TSPAN5: variants seen among roughly 807,000 people sequenced by gnomAD.
The protein encoded by TSPAN5 is tetraspanin 5.
Under a neutral mutation model 37.1 loss-of-function variants are expected in TSPAN5, and 10 were observed. The ratio of observed to expected loss-of-function variants is 0.27; its 90% CI spans 0.17 to 0.46. The LOEUF is 0.46. Ranked by LOEUF, TSPAN5 falls within the 20% of genes least tolerant of loss-of-function variation. The pLI is 1.00. For missense variants in TSPAN5, 195 were observed against 326.6 expected (o/e 0.60, Z 3.11); for synonymous variants, 110 against 118.9 (o/e 0.93, Z 0.48).
In TSPAN5 at chr4:98,625,500, T is replaced by C. The variant is rs116091994; in HGVS notation, c.81+32646A>G. 7.6e-3 allele frequency among the ~76,000 whole-genome samples: 1,151 copies of C among 152,322 alleles called. 24 individuals are homozygous for C. The highest frequency in any genetic ancestry group is 0.026 in the African/African-American group (1,093 of 41,578). On this transcript the variant is annotated intron_variant, in intron 1 of 7. Transcript: ENST00000305798. ...TTACCCATGCAAGATTGACGTTACT[T>C]CACCAAAGAGAAAAAACAAAAGTCT...
intron 1 of TSPAN5, among the ~76,000 whole-genome samples, chr4:98,546,256 C>T (rs1360611906): frequency 1.3e-5 from 2 of 152,168 alleles, no homozygotes; most frequent in Non-Finnish European, 2.9e-5. Flanking sequence ...CTACTCCCTC[C>T]AGAATATCAG....
intron 1 of TSPAN5, among the ~76,000 whole-genome samples, chr4:98,595,588 C>A (rs1348178260): frequency 3.0e-5 from 4 of 131,156 alleles, no homozygotes; most frequent in Non-Finnish European, 6.2e-5. Flanking sequence ...TATAAATTTC[C>A]CTCTACACAC....
chr4:98,587,603 G>T (rs146310875), intron 1 of TSPAN5, among the ~76,000 whole-genome samples: 2 of 151,984 alleles, frequency 1.3e-5, no homozygotes, highest in Non-Finnish European at 1.5e-5. Context: ...AAACACCAAG[G>T]TGCTGGCCGG....
intron 1 of TSPAN5, among the ~76,000 whole-genome samples, chr4:98,544,235 T>G (rs1328198955): frequency 6.6e-6 from 1 of 152,196 alleles, no homozygotes; most frequent in Non-Finnish European, 1.5e-5. Flanking sequence ...CCTAATTTAA[T>G]TAGCAAGCTA....
At chr4:98,632,085 A>G (rs1050466745) in intron 1 of TSPAN5, among the ~76,000 whole-genome samples, 2 of 152,128 alleles carry the variant, frequency 1.3e-5, no homozygotes, top group East Asian at 1.9e-4. Flanking sequence ...ACACAATGCA[A>G]TAGTGTCCTT....
intron 1 of TSPAN5, among the ~76,000 whole-genome samples, chr4:98,561,557 A>AC (rs1472516009): frequency 1.3e-5 from 2 of 152,240 alleles, no homozygotes; most frequent in African/African-American, 4.8e-5. Flanking sequence ...GGGGTTTATG[A>AC]CAGCGACACT....
At chr4:98,631,757 A>G (rs892650063) in intron 1 of TSPAN5, among the ~76,000 whole-genome samples, 1 of 152,200 alleles carries the variant, frequency 6.6e-6, no homozygotes, top group Non-Finnish European at 1.5e-5. Context: ...AGTGCCTTGC[A>G]AAGCATGTTC....
At chr4:98,621,788 A>ACCC (rs373904542) in intron 1 of TSPAN5, among the ~76,000 whole-genome samples, 1 of 130,436 alleles carries the variant, frequency 7.7e-6, no homozygotes, top group Non-Finnish European at 1.6e-5. Context: ...CCTCATTCCC[A>ACCC]CCCCCCCCGC....
intron 1 of TSPAN5, among the ~76,000 whole-genome samples, chr4:98,531,392 C>T (rs1196626460): frequency 6.6e-6 from 1 of 152,186 alleles, no homozygotes; most frequent in Non-Finnish European, 1.5e-5. Context: ...CTGCAAAGGA[C>T]ATGAACTCAT....
chr4:98,508,678 C>A (rs1753530920), intron 1 of TSPAN5, among the ~76,000 whole-genome samples: 1 of 152,004 alleles, frequency 6.6e-6, no homozygotes, highest in Non-Finnish European at 1.5e-5. Flanking sequence ...GCGCATGCCA[C>A]CATGCCTGGC....
At chr4:98,622,190 G>A (rs934626994) in intron 1 of TSPAN5, among the ~76,000 whole-genome samples, 6 of 152,110 alleles carry the variant, frequency 3.9e-5, no homozygotes, top group African/African-American at 9.6e-5. Context: ...AATGATTCTC[G>A]TGCCTCAGCC....
At chr4:98,522,056 A>T (rs1053597846) in intron 1 of TSPAN5, among the ~76,000 whole-genome samples, 1 of 152,238 alleles carries the variant, frequency 6.6e-6, no homozygotes, top group South Asian at 2.1e-4. Context: ...TTTAGTAAAC[A>T]TCTTGCCTTT....
intron 1 of TSPAN5, among the ~76,000 whole-genome samples, chr4:98,614,052 C>T (rs1756263063): frequency 6.6e-6 from 1 of 152,142 alleles, no homozygotes; most frequent in Non-Finnish European, 1.5e-5. Context: ...TTCCAAACAA[C>T]CACCAACTGC....
chr4:98,647,796 G>T (rs1245203170), intron 1 of TSPAN5, among the ~76,000 whole-genome samples: 2 of 151,532 alleles, frequency 1.3e-5, no homozygotes, highest in Non-Finnish European at 2.9e-5. Context: ...ATATCACAGT[G>T]CTAACCATTG....
chr4:98,566,735 C>T (rs1038017836), intron 1 of TSPAN5, among the ~76,000 whole-genome samples: 2 of 152,206 alleles, frequency 1.3e-5, no homozygotes, highest in Non-Finnish European at 2.9e-5. Context: ...GAGCTTTACT[C>T]TGAGACAGCA....
intron 1 of TSPAN5, among the ~76,000 whole-genome samples, chr4:98,537,898 GT>G (rs1203049596): frequency 4.6e-5 from 7 of 152,264 alleles, no homozygotes; most frequent in Non-Finnish European, 1.0e-4. Context: ...GCTGCTCATG[GT>G]AGGTGGTGGG....
At chr4:98,529,156 C>A (rs1754025402) in intron 1 of TSPAN5, among the ~76,000 whole-genome samples, 1 of 152,236 alleles carries the variant, frequency 6.6e-6, no homozygotes, top group South Asian at 2.1e-4. Flanking sequence ...AACACACACA[C>A]AGATGCAGGT....
At chr4:98,639,163 G>A (rs966991613) in intron 1 of TSPAN5, among the ~76,000 whole-genome samples, 1 of 152,142 alleles carries the variant, frequency 6.6e-6, no homozygotes, top group African/African-American at 2.4e-5. Context: ...AAACTTAGAT[G>A]ACTATCCTTA....
intron 1 of TSPAN5, among the ~76,000 whole-genome samples, chr4:98,579,014 A>G (rs1755309033): frequency 6.6e-6 from 1 of 152,146 alleles, no homozygotes; most frequent in African/African-American, 2.4e-5. Flanking sequence ...ATAGATAAAT[A>G]TCCCCCATGT....
Sources: gnomAD v4.1 joint callset for allele counts (sites outside exome capture counted in the v4.1 genomes callset) on GRCh38, gnomAD v4.1.1 for gene constraint, MANE v1.5 for transcripts, NCBI Gene and HGNC (gene_info 2026-07-23, HGNC 2026-07-21) for gene names.